Variants in ABHD12 observed in about 807,000 individuals in gnomAD.
ABHD12 encodes abhydrolase domain containing 12, lysophospholipase.
In ABHD12, 43 loss-of-function variants were observed where a neutral mutation model predicts 58.3. That is an observed-to-expected ratio of 0.74 (90% confidence interval 0.58 to 0.95). ABHD12 has a LOEUF of 0.95. Among genes scored for constraint, ABHD12 ranks in the 40% least tolerant of loss-of-function variants. The pLI is 0.00. For synonymous variants in ABHD12, 219 were observed against 211.2 expected, an observed-to-expected ratio of 1.04 and a Z score of -0.32; for missense variants, 539 against 537.2, an observed-to-expected ratio of 1.00 and a Z score of -0.03.
chr20:25,340,326 G>A (rs894648437), intron 1 of ABHD12, among the ~76,000 whole-genome samples: 4 of 152,222 alleles, frequency 2.6e-5, no homozygotes, highest in Admixed American at 1.3e-4. Flanking sequence ...AAATTTTAGT[G>A]AGGAGTGACA....
intron 4 of ABHD12, among the ~76,000 whole-genome samples, chr20:25,318,070 A>G (rs1371777495): frequency 6.6e-6 from 1 of 152,200 alleles, no homozygotes; most frequent in African/African-American, 2.4e-5. Context: ...TAATCCCAGC[A>G]CTTTGGGAGG....
intron 5 of ABHD12, among the ~76,000 whole-genome samples, chr20:25,316,022 C>T (rs551473942): frequency 3.9e-5 from 6 of 152,306 alleles, no homozygotes; most frequent in African/African-American, 1.4e-4. Flanking sequence ...GCCCTAGGCA[C>T]CCCCTGCATG....
chr20:25,322,861 T>C (rs940621671), intron 3 of ABHD12, among the ~76,000 whole-genome samples: 1 of 152,064 alleles, frequency 6.6e-6, no homozygotes, highest in African/African-American at 2.4e-5. Flanking sequence ...TAGCTGGGAT[T>C]ACAGGTGTGC....
At chr20:25,352,014 CAG>C (rs1267686635) in intron 1 of ABHD12, among the ~76,000 whole-genome samples, 5 of 152,182 alleles carry the variant, frequency 3.3e-5, no homozygotes, top group African/African-American at 1.2e-4. Flanking sequence ...TTTTTTGAGA[CAG>C]AGTCTCTCTC....
chr20:25,352,690 T>G lies in ABHD12; in HGVS notation c.192-13339A>C, dbSNP rs183042493. Among the ~76,000 whole-genome samples the G allele has an allele frequency of 5.4e-3, 820 of 152,358 alleles. 5 individuals carry two copies. The highest frequency in any genetic ancestry group is 0.01 in the Admixed American group (154 of 15,304). ...CTCAGGACAGTGTTCTTGAAAAGCG[T>G]ATCTATTTATTGTACATATCTATCA... is the stretch of plus-strand genomic sequence containing the variant. On this transcript the variant is annotated intron_variant, in intron 1 of 12. Coordinates refer to ENST00000339157, the MANE Select transcript of ABHD12 (RefSeq NM_001042472.3).
intron 1 of ABHD12, among the ~76,000 whole-genome samples, chr20:25,361,348 A>T (rs2089744176): frequency 6.6e-6 from 1 of 152,132 alleles, no homozygotes. Flanking sequence ...CTTAAATATT[A>T]TGTCTCTCAG....
chr20:25,324,732 G>A (rs553808184), intron 2 of ABHD12, among the ~76,000 whole-genome samples: 4 of 152,372 alleles, frequency 2.6e-5, no homozygotes, highest in South Asian at 2.1e-4. Flanking sequence ...CTCCCTGAGC[G>A]TCTGTCCCAG....
downstream of ABHD12, chr20:25,296,227 T>A: frequency 9.9e-7 from 1 of 1,007,158 alleles, no homozygotes; most frequent in Non-Finnish European, 1.5e-6. Context: ...AACGAACAAG[T>A]GATTGTAATG....
downstream of ABHD12, among the ~76,000 whole-genome samples, chr20:25,295,297 A>G (rs888697709): frequency 6.6e-6 from 1 of 152,244 alleles, no homozygotes; most frequent in South Asian, 2.1e-4. Context: ...GGCCTCTCCC[A>G]TGTGCAGCTC....
chr20:25,315,039 T>G lies in ABHD12; in HGVS notation c.574-69A>C, dbSNP rs1168612255. On this transcript the variant is annotated intron_variant, in intron 5 of 12. Coordinates refer to ENST00000339157, the MANE Select transcript of ABHD12 (RefSeq NM_001042472.3). ...TCTGTATTGAGGGCAGCTTGCCGCT[T>G]ACTAAACTCATCCAACTTTCTCTCC... 5.9e-6 allele frequency: 9 copies of G among 1,525,824 alleles called. No homozygotes were observed. In the Admixed American group the frequency reaches 1.5e-4, roughly 25 times the overall value. 94.5% of individuals were successfully genotyped at this position (1,525,824 alleles called of 1,614,324 possible). A position where few individuals can be genotyped will look rare whatever the true frequency, so the allele number is the denominator to read the frequency against.
chr20:25,296,358 C>G (rs1432443810), downstream of ABHD12: 3 of 1,614,014 alleles, frequency 1.9e-6, no homozygotes, highest in East Asian at 6.7e-5. Context: ...AATTTCATCT[C>G]CTTCCCTGCA....
chr20:25,356,910 A>G (rs1343266394), intron 1 of ABHD12, among the ~76,000 whole-genome samples: 1 of 144,006 alleles, frequency 6.9e-6, no homozygotes, highest in Non-Finnish European at 1.6e-5. Flanking sequence ...CCAAAGTAGG[A>G]GAACTACCTG....
chr20:25,308,135 C>G, intron 8 of ABHD12, 90 bp from the exon 9 acceptor site: 1 of 927,406 alleles, frequency 1.1e-6, no homozygotes, highest in Non-Finnish European at 1.8e-6. Flanking sequence ...CCAGAAAGCA[C>G]AAGGAGACCA....
intron 7 of ABHD12, among the ~76,000 whole-genome samples, chr20:25,309,192 A>T (rs2088802779): frequency 6.6e-6 from 1 of 151,732 alleles, no homozygotes; most frequent in East Asian, 1.9e-4. Flanking sequence ...CTCAGAGCCA[A>T]GTCTCCCTAG....
At chr20:25,296,044 G>A (rs2258769), downstream of ABHD12, among the ~76,000 whole-genome samples, 1 of 151,954 alleles carries the variant, frequency 6.6e-6, no homozygotes, top group African/African-American at 2.4e-5. Flanking sequence ...GACTGCCTGG[G>A]CATGTCCCCT....
downstream of ABHD12, chr20:25,296,478 C>T: frequency 6.2e-7 from 1 of 1,613,810 alleles, no homozygotes; most frequent in South Asian, 1.1e-5. Context: ...GGGTGTGGAG[C>T]CCTCCGACCT....
chr20:25,377,527 C>T (rs2089975256), intron 1 of ABHD12, among the ~76,000 whole-genome samples: 2 of 152,158 alleles, frequency 1.3e-5, no homozygotes, highest in Non-Finnish European at 1.5e-5. Flanking sequence ...CAGGGCATCA[C>T]ATGGTAATGG....
intron 1 of ABHD12, among the ~76,000 whole-genome samples, chr20:25,374,638 C>T (rs539398579): frequency 6.6e-6 from 1 of 152,060 alleles, no homozygotes; most frequent in East Asian, 1.9e-4. Flanking sequence ...GGATTACAGG[C>T]ATGTGCCACC....
At chr20:25,304,919 C>A (rs1236681613) in intron 10 of ABHD12, among the ~76,000 whole-genome samples, 4 of 151,536 alleles carry the variant, frequency 2.6e-5, no homozygotes, top group Non-Finnish European at 5.9e-5. Flanking sequence ...TTCTTTTTTT[C>A]TTTTCTTTGT....
Sources: gnomAD v4.1 joint callset for allele counts (sites outside exome capture counted in the v4.1 genomes callset) on GRCh38, gnomAD v4.1.1 for gene constraint, MANE v1.5 for transcripts, NCBI Gene and HGNC (gene_info 2026-07-23, HGNC 2026-07-21) for gene names.